Variants in PTPRD observed in about 807,000 individuals in gnomAD.
PTPRD encodes receptor-type tyrosine-protein phosphatase delta.
In PTPRD, 34 loss-of-function variants were observed where a neutral mutation model predicts 214.5. The observed-to-expected ratio is 0.16, with a 90% CI of 0.12 to 0.21. The LOEUF (loss-of-function observed/expected upper bound fraction) is 0.21. Ranked by LOEUF, PTPRD falls within the 10% of genes least tolerant of loss-of-function variation. The pLI is 1.00. For synonymous variants in PTPRD, 1,128 were observed against 845.7 expected (o/e 1.33, Z -5.79); for missense variants, 2,545 against 2,398.7 (o/e 1.06, Z -1.27).
At chr9:9,536,878 C>G (rs1569569095) in intron 8 of PTPRD, among the ~76,000 whole-genome samples, 1 of 151,990 alleles carries the variant, frequency 6.6e-6, no homozygotes, top group African/African-American at 2.4e-5. Context: ...AAAAGTTTGG[C>G]ATATCCTTTT....
At position 9,520,762 on chromosome 9, in the gene PTPRD, T is replaced by A. The variant is rs1244082477; in HGVS notation, c.-237+53970A>T. 2.6e-5 allele frequency among the ~76,000 whole-genome samples: 4 copies of A among 152,324 alleles called. No individual in the cohort carries two copies. The East Asian group carries it at 7.7e-4, about 29-fold the overall frequency. On this transcript the variant is annotated intron_variant, in intron 8 of 45. Coordinates refer to ENST00000381196, the MANE Select transcript of PTPRD (RefSeq NM_002839.4). Reference sequence around the variant, plus strand: ...AATTGAATGCCAATAAAATTTTCAATGTCAGCATGGGTTACAGAACTGTGG... The same window carrying A: ...AATTGAATGCCAATAAAATTTTCAAAGTCAGCATGGGTTACAGAACTGTGG...
At chr9:8,853,679 T>C (rs1242361990) in intron 11 of PTPRD, among the ~76,000 whole-genome samples, 1 of 152,210 alleles carries the variant, frequency 6.6e-6, no homozygotes, top group Non-Finnish European at 1.5e-5. Context: ...ATTTCTTCAG[T>C]TGATGTGTTA....
chr9:9,196,071 C>T (rs891079086), intron 9 of PTPRD, among the ~76,000 whole-genome samples: 5 of 152,118 alleles, frequency 3.3e-5, no homozygotes, highest in Non-Finnish European at 7.4e-5. Context: ...CCATGTCTGA[C>T]CACTTGTTAC....
intron 3 of PTPRD, among the ~76,000 whole-genome samples, chr9:10,056,690 G>A (rs1456030824): frequency 1.3e-5 from 2 of 151,938 alleles, no homozygotes; most frequent in Admixed American, 6.6e-5. Flanking sequence ...AGTCAAGAGG[G>A]GCATAATATT....
chr9:10,069,946 G>A (rs1036623952), intron 3 of PTPRD, among the ~76,000 whole-genome samples: 1 of 151,922 alleles, frequency 6.6e-6, no homozygotes, highest in Non-Finnish European at 1.5e-5. Context: ...TGATGCTCTA[G>A]GATACTATTT....
At chr9:9,842,127 C>G (rs1407480143) in intron 5 of PTPRD, among the ~76,000 whole-genome samples, 1 of 151,714 alleles carries the variant, frequency 6.6e-6, no homozygotes, top group Non-Finnish European at 1.5e-5. Flanking sequence ...TATTTTAAAT[C>G]ATGAGTGAAA....
At chr9:9,186,607 T>A (rs1274227115) in intron 9 of PTPRD, among the ~76,000 whole-genome samples, 1 of 134,068 alleles carries the variant, frequency 7.5e-6, no homozygotes, top group Admixed American at 8.1e-5. Context: ...CAAGACTCTG[T>A]CTCTCTCTCT....
At chr9:10,058,941 G>A (rs956916053) in intron 3 of PTPRD, among the ~76,000 whole-genome samples, 8 of 151,966 alleles carry the variant, frequency 5.3e-5, no homozygotes, top group African/African-American at 1.9e-4. Flanking sequence ...TCTGAAATAG[G>A]TAGAATTTCT....
intron 8 of PTPRD, among the ~76,000 whole-genome samples, chr9:9,397,756 GAT>G (rs1457158814): frequency 6.6e-6 from 1 of 151,840 alleles, no homozygotes; most frequent in African/African-American, 2.4e-5. Flanking sequence ...ATTTTCTTCT[GAT>G]ATATATGTTT....
intron 2 of PTPRD, among the ~76,000 whole-genome samples, chr9:10,489,391 C>T (rs536656347): frequency 1.3e-5 from 2 of 152,248 alleles, no homozygotes; most frequent in Non-Finnish European, 1.5e-5. Context: ...GATAAGAAGT[C>T]TCTTTTGGAG....
At chr9:10,332,598 T>C (rs1232828606) in intron 3 of PTPRD, among the ~76,000 whole-genome samples, 1 of 151,820 alleles carries the variant, frequency 6.6e-6, no homozygotes, top group Non-Finnish European at 1.5e-5. Flanking sequence ...ATATAACGTG[T>C]ACTACCTACA....
intron 10 of PTPRD, among the ~76,000 whole-genome samples, chr9:9,134,806 CGTGTGTGT>C (rs142357379): frequency 6.6e-6 from 1 of 150,572 alleles, no homozygotes; most frequent in Non-Finnish European, 1.5e-5. Context: ...ATTTGGAGTG[CGTGTGTGT>C]GTGTGTGTGT....
chr9:9,433,663 A>G (rs1321908634), intron 8 of PTPRD, among the ~76,000 whole-genome samples: 2 of 152,204 alleles, frequency 1.3e-5, no homozygotes, highest in Non-Finnish European at 2.9e-5. Context: ...ATGATACTTC[A>G]CAAAATAGAT....
chr9:8,986,249 G>A (rs1478223940), intron 11 of PTPRD, among the ~76,000 whole-genome samples: 1 of 151,862 alleles, frequency 6.6e-6, no homozygotes, highest in Non-Finnish European at 1.5e-5. Context: ...AAACATTATT[G>A]TTTTTTGATG....
intron 9 of PTPRD, among the ~76,000 whole-genome samples, chr9:9,203,939 C>T (rs756086653): frequency 1.3e-5 from 2 of 152,116 alleles, no homozygotes; most frequent in Non-Finnish European, 2.9e-5. Flanking sequence ...TTTCTGCTCA[C>T]TGTACTCTTA....
chr9:9,855,118 G>A (rs946611168), intron 5 of PTPRD, among the ~76,000 whole-genome samples: 1 of 152,156 alleles, frequency 6.6e-6, no homozygotes, highest in African/African-American at 2.4e-5. Context: ...TCAACCTACT[G>A]TCATCATTCA....
intron 5 of PTPRD, among the ~76,000 whole-genome samples, 174 bp downstream of exon 5, chr9:9,938,333 C>T (rs1205467388): frequency 6.6e-6 from 1 of 152,094 alleles, no homozygotes; most frequent in Non-Finnish European, 1.5e-5. Context: ...ATGCATTGAC[C>T]TAAAGACACT....
intron 7 of PTPRD, among the ~76,000 whole-genome samples, chr9:9,635,631 T>C (rs1564203138): frequency 6.6e-6 from 1 of 152,136 alleles, no homozygotes; most frequent in African/African-American, 2.4e-5. Context: ...GTCAGCCTTG[T>C]TGTCATTCTT....
At chr9:9,362,534 C>T (rs917081063) in intron 9 of PTPRD, among the ~76,000 whole-genome samples, 26 of 151,026 alleles carry the variant, frequency 1.7e-4, no homozygotes, top group Non-Finnish European at 7.4e-5. Flanking sequence ...GTCAGAAAAA[C>T]ATCAACTAAT....
Sources: gnomAD v4.1 joint callset for allele counts (sites outside exome capture counted in the v4.1 genomes callset) on GRCh38, gnomAD v4.1.1 for gene constraint, MANE v1.5 for transcripts, NCBI Gene and HGNC (gene_info 2026-07-23, HGNC 2026-07-21) for gene names.